Variants in HS6ST2 observed in about 807,000 individuals in gnomAD.
HS6ST2 encodes heparan-sulfate 6-O-sulfotransferase 2.
In HS6ST2, 17 loss-of-function variants were observed where a neutral mutation model predicts 33.0. The ratio of observed to expected loss-of-function variants is 0.52; its 90% CI spans 0.35 to 0.77. The LOEUF (loss-of-function observed/expected upper bound fraction) is 0.77, where lower values mean the gene tolerates loss of function less well. HS6ST2 is among the 30% of genes least tolerant of loss of function. The probability of loss-of-function intolerance (pLI) is 0.01; values close to 1 mark genes in which losing one functional copy is unlikely to be tolerated. For missense variants in HS6ST2, 519 were observed against 551.7 expected, an observed-to-expected ratio of 0.94 and a Z score of 0.59; for synonymous variants, 248 against 237.1, an observed-to-expected ratio of 1.05 and a Z score of -0.42.
At chrX:132,696,168 G>GA (rs2064103566) in intron 3 of HS6ST2, among the ~76,000 whole-genome samples, 2 of 111,931 alleles carry the variant, frequency 1.8e-5, no homozygotes, top group South Asian at 7.6e-4. Context: ...TCTGGCTGCT[G>GA]CTCTCTGTGA....
At chrX:132,917,920 A>G (rs1482977126) in intron 2 of HS6ST2, among the ~76,000 whole-genome samples, 1 of 112,155 alleles carries the variant, frequency 8.9e-6, no homozygotes, top group Non-Finnish European at 1.9e-5. Flanking sequence ...AACCATGATA[A>G]CTACCCTTAC....
intron 4 of HS6ST2, among the ~76,000 whole-genome samples, chrX:132,634,494 G>A (rs766482833): frequency 8.9e-6 from 1 of 112,071 alleles, no homozygotes; most frequent in South Asian, 3.8e-4. Flanking sequence ...TTAATTGAAT[G>A]GCTGATTGGT....
chrX:132,758,601 C>G (rs2064778838), intron 2 of HS6ST2, among the ~76,000 whole-genome samples: 1 of 111,601 alleles, frequency 9.0e-6, no homozygotes, highest in African/African-American at 3.3e-5. Flanking sequence ...CCCACAGAAG[C>G]AGAAAACCTG....
intron 2 of HS6ST2, among the ~76,000 whole-genome samples, chrX:132,842,106 C>A (rs1195970255): frequency 8.9e-6 from 1 of 111,768 alleles, no homozygotes; most frequent in African/African-American, 3.3e-5. Flanking sequence ...TGAGATAATT[C>A]GGTCACTACA....
In HS6ST2 at chrX:132,846,439, A is replaced by T. The variant is rs767190769; in HGVS notation, c.947+110369T>A. 5.3e-5 allele frequency among the ~76,000 whole-genome samples: 6 copies of T among 112,434 alleles called. No individual in the cohort carries two copies. In the South Asian group the frequency reaches 2.2e-3, roughly 41 times the overall value. On this transcript the variant is annotated intron_variant, in intron 2 of 4. Coordinates refer to ENST00000370833, the MANE Select transcript of HS6ST2 (RefSeq NM_001394073.1). ...TGAAAGCTGAAATGAGAGTCTGATG[A>T]TCTTGACCAACAGCGGAGCCAATGT...
intron 2 of HS6ST2, among the ~76,000 whole-genome samples, chrX:132,723,348 C>G (rs1556421769): frequency 9.0e-6 from 1 of 111,564 alleles, no homozygotes; most frequent in Admixed American, 9.5e-5. Context: ...TACCCTGATA[C>G]CAAAACCAAA....
At chrX:132,921,149 G>A in intron 2 of HS6ST2, among the ~76,000 whole-genome samples, 1 of 112,231 alleles carries the variant, frequency 8.9e-6, no homozygotes, top group East Asian at 2.8e-4. Context: ...AAAGGAGATG[G>A]AGACAACATG....
intron 2 of HS6ST2, among the ~76,000 whole-genome samples, chrX:132,940,436 A>G (rs2066874165): frequency 8.9e-6 from 1 of 112,140 alleles, no homozygotes; most frequent in South Asian, 3.7e-4. Flanking sequence ...ATTGGACTTC[A>G]CCAAAATTTA....
At chrX:132,688,792 C>T (rs752092557) in intron 3 of HS6ST2, among the ~76,000 whole-genome samples, 1 of 111,866 alleles carries the variant, frequency 8.9e-6, no homozygotes, top group South Asian at 3.8e-4. Context: ...GACAGTGATG[C>T]AAATCTGAAG....
At chrX:132,892,202 A>T (rs1297677198) in intron 2 of HS6ST2, among the ~76,000 whole-genome samples, 1 of 112,260 alleles carries the variant, frequency 8.9e-6, no homozygotes, top group African/African-American at 3.2e-5. Context: ...ATGTTCAAAA[A>T]TTTATCCTGT....
At chrX:132,912,049 GC>G (rs769034138) in intron 2 of HS6ST2, among the ~76,000 whole-genome samples, 54 of 112,416 alleles carry the variant, frequency 4.8e-4, no homozygotes, top group Non-Finnish European at 7.1e-4. Flanking sequence ...ACTGGCTACT[GC>G]CGCTCACTAG....
chrX:132,698,808 T>C (rs2064121730), intron 3 of HS6ST2, among the ~76,000 whole-genome samples: 1 of 111,647 alleles, frequency 9.0e-6, no homozygotes, highest in South Asian at 3.8e-4. Context: ...TTGACTTGCT[T>C]CCTCCAAATT....
intron 2 of HS6ST2, among the ~76,000 whole-genome samples, chrX:132,875,390 A>G (rs1483240526): frequency 9.0e-6 from 1 of 111,224 alleles, no homozygotes; most frequent in Non-Finnish European, 1.9e-5. Flanking sequence ...CTGGAGATGG[A>G]GCTTTGGTAT....
intron 2 of HS6ST2, among the ~76,000 whole-genome samples, chrX:132,848,605 T>C (rs2065774079): frequency 9.0e-6 from 1 of 110,955 alleles, no homozygotes; most frequent in African/African-American, 3.3e-5. Context: ...AAAAGAGAGG[T>C]CTCTTAACTC....
At chrX:132,675,038 GAGA>G (rs2063913352) in intron 3 of HS6ST2, among the ~76,000 whole-genome samples, 2 of 111,870 alleles carry the variant, frequency 1.8e-5, no homozygotes, top group African/African-American at 6.5e-5. Flanking sequence ...GAAAGTCACT[GAGA>G]AGGTTTGCAA....
intron 3 of HS6ST2, among the ~76,000 whole-genome samples, chrX:132,689,305 A>G (rs893235950): frequency 8.9e-6 from 1 of 112,324 alleles, no homozygotes; most frequent in African/African-American, 3.2e-5. Flanking sequence ...GCTTGTCTCC[A>G]CAATCTGCCT....
At chrX:132,957,447 G>A in intron 1 of HS6ST2, 121 bp from the exon 2 acceptor site, 3 of 800,463 alleles carry the variant, frequency 3.7e-6, no homozygotes, top group Non-Finnish European at 5.2e-6. Flanking sequence ...CCTCCGCACC[G>A]AGTACTCCAC....
chrX:132,862,326 A>G (rs934654389), intron 2 of HS6ST2, among the ~76,000 whole-genome samples: 5 of 111,771 alleles, frequency 4.5e-5, no homozygotes, highest in Non-Finnish European at 7.5e-5. Flanking sequence ...TCAATGGTTA[A>G]TTGCAAATGT....
chrX:132,708,633 T>C (rs1194541150), intron 2 of HS6ST2, 139 bp from the exon 3 acceptor site: 1 of 516,281 alleles, frequency 1.9e-6, no homozygotes, highest in Non-Finnish European at 3.2e-6. Flanking sequence ...ATAGATGGCT[T>C]CTCCACTTTG....
Sources: allele counts gnomAD v4.1 joint callset (sites outside exome capture counted in the v4.1 genomes callset), GRCh38; gene constraint gnomAD v4.1.1; transcripts MANE v1.5; gene names NCBI Gene and HGNC (gene_info 2026-07-23, HGNC 2026-07-21).